Variants in CNTNAP2 observed in about 807,000 individuals in gnomAD.
The protein encoded by CNTNAP2 is contactin associated protein 2, also known as contactin-associated protein-like 2.
CNTNAP2 carries 98 observed loss-of-function variants against 155.2 expected under a neutral mutation model. The observed-to-expected ratio is 0.63, with a 90% CI of 0.54 to 0.75. The LOEUF (loss-of-function observed/expected upper bound fraction) is 0.75, where lower values mean the gene tolerates loss of function less well. Ranked by LOEUF, CNTNAP2 falls within the 30% of genes least tolerant of loss-of-function variation. CNTNAP2 has a pLI of 0.00. For synonymous variants in CNTNAP2, 651 were observed against 631.2 expected, an observed-to-expected ratio of 1.03 and a Z score of -0.47; for missense variants, 1,727 against 1,688.1, an observed-to-expected ratio of 1.02 and a Z score of -0.40.
At chr7:146,808,970 A>G (rs900065197) in intron 2 of CNTNAP2, among the ~76,000 whole-genome samples, 2 of 152,144 alleles carry the variant, frequency 1.3e-5, no homozygotes, top group Non-Finnish European at 2.9e-5. Context: ...ACACCTGTTG[A>G]TGGACACTTA....
intron 13 of CNTNAP2, among the ~76,000 whole-genome samples, chr7:147,866,300 C>T (rs1477775071): frequency 6.6e-6 from 1 of 151,848 alleles, no homozygotes; most frequent in African/African-American, 2.4e-5. Flanking sequence ...GTTGTCATTT[C>T]TGTTCTTTTC....
At chr7:146,808,541 A>G (rs768353970) in intron 2 of CNTNAP2, among the ~76,000 whole-genome samples, 1 of 152,226 alleles carries the variant, frequency 6.6e-6, no homozygotes, top group Non-Finnish European at 1.5e-5. Flanking sequence ...GTAATTAACA[A>G]AAATTGAATA....
At chr7:146,887,847 T>C (rs569414947) in intron 3 of CNTNAP2, among the ~76,000 whole-genome samples, 4 of 152,140 alleles carry the variant, frequency 2.6e-5, no homozygotes, top group Non-Finnish European at 4.4e-5. Context: ...CACCCTAGCA[T>C]TTCTTGTATA....
At chr7:147,683,807 A>G (rs1795982631) in intron 13 of CNTNAP2, among the ~76,000 whole-genome samples, 1 of 151,032 alleles carries the variant, frequency 6.6e-6, no homozygotes, top group South Asian at 2.1e-4. Context: ...CACTGTGAAC[A>G]GAATAGAAAA....
chr7:147,007,988 G>A (rs1207633052), intron 3 of CNTNAP2, among the ~76,000 whole-genome samples: 1 of 152,044 alleles, frequency 6.6e-6, no homozygotes, highest in East Asian at 1.9e-4. Flanking sequence ...CCTGTTTCTT[G>A]TTAAAATTAT....
intron 11 of CNTNAP2, among the ~76,000 whole-genome samples, chr7:147,530,167 T>C (rs921149550): frequency 6.7e-6 from 1 of 149,474 alleles, no homozygotes; most frequent in African/African-American, 2.5e-5. Flanking sequence ...CTCAGAATCA[T>C]GGTGGAAGGC....
intron 1 of CNTNAP2, among the ~76,000 whole-genome samples, chr7:146,384,609 G>C (rs951184152): frequency 2.6e-5 from 4 of 152,074 alleles, no homozygotes; most frequent in African/African-American, 7.2e-5. Flanking sequence ...TTTGAATCAA[G>C]TATCATTGTG....
At chr7:147,044,876 ATTTG>A (rs763246679) in intron 4 of CNTNAP2, among the ~76,000 whole-genome samples, 15 of 151,844 alleles carry the variant, frequency 9.9e-5, no homozygotes, top group Non-Finnish European at 1.9e-4. Flanking sequence ...ATCTGTGGAA[ATTTG>A]TTTGGGCCAA....
intron 8 of CNTNAP2, among the ~76,000 whole-genome samples, chr7:147,194,917 T>C (rs879135163): frequency 1.3e-5 from 2 of 152,216 alleles, no homozygotes; most frequent in African/African-American, 4.8e-5. Flanking sequence ...GGAAGCTCTT[T>C]AGTTTAATCA....
At chr7:148,221,378 G>A (rs1795745580) in intron 19 of CNTNAP2, among the ~76,000 whole-genome samples, 1 of 152,100 alleles carries the variant, frequency 6.6e-6, no homozygotes, top group South Asian at 2.1e-4. Flanking sequence ...CCAGGCTGGG[G>A]TTTCTCAGCC....
chr7:147,428,022 G>A (rs755557952), intron 10 of CNTNAP2, among the ~76,000 whole-genome samples: 1 of 152,094 alleles, frequency 6.6e-6, no homozygotes, highest in Non-Finnish European at 1.5e-5. Flanking sequence ...TCTTTCAAAC[G>A]TGAAAATTTC....
At chr7:146,497,931 A>G (rs577538208) in intron 1 of CNTNAP2, among the ~76,000 whole-genome samples, 1 of 150,642 alleles carries the variant, frequency 6.6e-6, no homozygotes, top group East Asian at 1.9e-4. Flanking sequence ...ATTCTAACAT[A>G]TACATAAACA....
intron 4 of CNTNAP2, among the ~76,000 whole-genome samples, chr7:147,060,223 A>G (rs1331266872): frequency 6.6e-6 from 1 of 152,218 alleles, no homozygotes; most frequent in Non-Finnish European, 1.5e-5. Context: ...AACACAGTAC[A>G]TCTATAGTAC....
At chr7:146,186,941 G>C (rs2116845395) in intron 1 of CNTNAP2, among the ~76,000 whole-genome samples, 1 of 152,148 alleles carries the variant, frequency 6.6e-6, no homozygotes, top group Non-Finnish European at 1.5e-5. Context: ...TAAAGCTAGG[G>C]CCAGAAATCA....
chr7:146,918,336 G>C (rs911876058), intron 3 of CNTNAP2, among the ~76,000 whole-genome samples: 1 of 152,094 alleles, frequency 6.6e-6, no homozygotes, highest in Admixed American at 6.5e-5. Context: ...TTTTTTTCAA[G>C]ATTTAGAGCT....
At chr7:147,216,398 G>A (rs972522915) in intron 8 of CNTNAP2, among the ~76,000 whole-genome samples, 1 of 151,998 alleles carries the variant, frequency 6.6e-6, no homozygotes, top group African/African-American at 2.4e-5. Context: ...TATTTTCTGT[G>A]TGGATGTCCA....
chr7:147,536,476 G>A (rs1799541011), intron 11 of CNTNAP2, among the ~76,000 whole-genome samples: 1 of 152,166 alleles, frequency 6.6e-6, no homozygotes, highest in Admixed American at 6.5e-5. Context: ...CAGTTTTGGG[G>A]GACACCAAAG....
intron 1 of CNTNAP2, among the ~76,000 whole-genome samples, chr7:146,143,769 A>AT (rs368733868): frequency 0.056 from 8,255 of 148,378 alleles, 254 homozygotes; most frequent in Middle Eastern, 0.11. Flanking sequence ...ATTCTAATTT[A>AT]TTTTTTTTTT....
At chr7:146,493,166 T>C (rs892375155) in intron 1 of CNTNAP2, among the ~76,000 whole-genome samples, 4 of 152,220 alleles carry the variant, frequency 2.6e-5, no homozygotes, top group Non-Finnish European at 2.9e-5. Flanking sequence ...TTTTTATTTA[T>C]ATACCTCCGT....
Sources: allele counts gnomAD v4.1 joint callset (sites outside exome capture counted in the v4.1 genomes callset), GRCh38; gene constraint gnomAD v4.1.1; transcripts MANE v1.5; gene names NCBI Gene and HGNC (gene_info 2026-07-23, HGNC 2026-07-21).